The following FGF7 variants were observed in gnomAD, a reference collection of about 807,000 sequenced individuals.
The protein encoded by FGF7 is fibroblast growth factor 7.
Under a neutral mutation model 20.5 loss-of-function variants are expected in FGF7, and 6 were observed. The ratio of observed to expected loss-of-function variants is 0.29; its 90% CI spans 0.16 to 0.58. The LOEUF (loss-of-function observed/expected upper bound fraction) is 0.58, where lower values mean the gene tolerates loss of function less well. FGF7 is among the 20% of genes least tolerant of loss of function. The probability of loss-of-function intolerance (pLI) is 0.90; values close to 1 mark genes in which losing one functional copy is unlikely to be tolerated. For missense variants in FGF7, 144 were observed against 228.8 expected (o/e 0.63, Z 2.39); for synonymous variants, 64 against 74.7 (o/e 0.86, Z 0.74).
At chr15:49,429,731 C>T (rs1444245285) in intron 2 of FGF7, among the ~76,000 whole-genome samples, 1 of 151,904 alleles carries the variant, frequency 6.6e-6, no homozygotes, top group Non-Finnish European at 1.5e-5. Flanking sequence ...GAGGTACAGT[C>T]TGGGCATCAG....
intron 2 of FGF7, among the ~76,000 whole-genome samples, chr15:49,439,715 T>C (rs2051453798): frequency 6.6e-6 from 1 of 151,800 alleles, no homozygotes. Flanking sequence ...AACGTGGCTC[T>C]CTTCTCTTAC....
chr15:49,441,702 T>C (rs972120809), intron 2 of FGF7, among the ~76,000 whole-genome samples: 2 of 151,742 alleles, frequency 1.3e-5, no homozygotes, highest in African/African-American at 4.8e-5. Flanking sequence ...ATAATGATTA[T>C]AATACTATTT....
intron 2 of FGF7, among the ~76,000 whole-genome samples, chr15:49,441,782 TA>T (rs1294485047): frequency 6.6e-6 from 1 of 151,640 alleles, no homozygotes; most frequent in Non-Finnish European, 1.5e-5. Flanking sequence ...CAGTATTGTG[TA>T]AAGTTTTTAA....
In FGF7 at chr15:49,433,069, T is replaced by C. The variant is rs570152120; in HGVS notation, c.286+8486T>C. Among the ~76,000 whole-genome samples the C allele has an allele frequency of 7.2e-4, 109 of 151,426 alleles. No homozygotes were observed. In the South Asian group the frequency reaches 0.012, roughly 17 times the overall value. On this transcript the variant is annotated intron_variant, in intron 2 of 3. Coordinates refer to ENST00000267843, the MANE Select transcript of FGF7 (RefSeq NM_002009.4). ...ATTATTTCAATAAAGAAATGTTTCA[T>C]TTACTGGCTAAAAATTATTTAGAAA...
At chr15:49,460,747 G>A (rs2053717610) in intron 2 of FGF7, among the ~76,000 whole-genome samples, 1 of 152,106 alleles carries the variant, frequency 6.6e-6, no homozygotes, top group South Asian at 2.1e-4. Context: ...TATAAAAACT[G>A]TGCAGCTTCT....
intron 2 of FGF7, among the ~76,000 whole-genome samples, chr15:49,463,932 T>G (rs67031905): frequency 2.0e-5 from 3 of 151,826 alleles, no homozygotes; most frequent in African/African-American, 7.3e-5. Context: ...TTTGTTTGTT[T>G]TTTGTTTGTT....
At chr15:49,430,477 G>C (rs1333928280) in intron 2 of FGF7, among the ~76,000 whole-genome samples, 1 of 151,848 alleles carries the variant, frequency 6.6e-6, no homozygotes, top group Admixed American at 6.6e-5. Context: ...CAGGGGGAGA[G>C]AACCACAATT....
At chr15:49,429,665 T>TA (rs1272147398) in intron 2 of FGF7, among the ~76,000 whole-genome samples, 1 of 151,838 alleles carries the variant, frequency 6.6e-6, no homozygotes, top group African/African-American at 2.4e-5. Flanking sequence ...TGGGGAACTT[T>TA]AAAAAAATAC....
intron 2 of FGF7, among the ~76,000 whole-genome samples, chr15:49,468,073 A>G (rs2054421971): frequency 6.6e-6 from 1 of 152,180 alleles, no homozygotes; most frequent in African/African-American, 2.4e-5. Flanking sequence ...CTATAATTGT[A>G]CCACATGCTG....
At chr15:49,444,989 CATATTCAT>C (rs1193077578) in intron 2 of FGF7, among the ~76,000 whole-genome samples, 5 of 151,636 alleles carry the variant, frequency 3.3e-5, no homozygotes, top group Middle Eastern at 3.4e-3. Flanking sequence ...CATTCTGATT[CATATTCAT>C]ATATTCATAT....
At chr15:49,475,714 AC>A (rs1458515274) in intron 2 of FGF7, among the ~76,000 whole-genome samples, 1 of 152,178 alleles carries the variant, frequency 6.6e-6, no homozygotes, top group Non-Finnish European at 1.5e-5. Context: ...TGGGGCGGGC[AC>A]GGTGGCTTAT....
At chr15:49,435,462 C>G (rs918074781) in intron 2 of FGF7, among the ~76,000 whole-genome samples, 1 of 151,602 alleles carries the variant, frequency 6.6e-6, no homozygotes, top group African/African-American at 2.4e-5. Context: ...TTTATGCCCT[C>G]TAATTCATGA....
chr15:49,472,173 G>T (rs1180246862), intron 2 of FGF7, among the ~76,000 whole-genome samples: 1 of 152,192 alleles, frequency 6.6e-6, no homozygotes. Context: ...TTGAAGTAAA[G>T]TGAAATTGGG....
At chr15:49,459,922 T>C (rs1461427006) in intron 2 of FGF7, among the ~76,000 whole-genome samples, 3 of 152,180 alleles carry the variant, frequency 2.0e-5, no homozygotes, top group Admixed American at 2.0e-4. Flanking sequence ...TGCCACACAT[T>C]AGAGACATTT....
intron 2 of FGF7, among the ~76,000 whole-genome samples, chr15:49,477,882 G>A (rs2055500036): frequency 6.6e-6 from 1 of 152,194 alleles, no homozygotes; most frequent in Non-Finnish European, 1.5e-5. Context: ...TAGTTGTACA[G>A]AGGTATCTCA....
chr15:49,466,079 TTAAAG>T (rs1432155727), intron 2 of FGF7, among the ~76,000 whole-genome samples: 2 of 152,188 alleles, frequency 1.3e-5, no homozygotes, highest in African/African-American at 4.8e-5. Flanking sequence ...CAGTATGTTC[TTAAAG>T]TAAAATAGAT....
At chr15:49,425,737 C>A (rs1451701937) in intron 2 of FGF7, among the ~76,000 whole-genome samples, 1 of 151,648 alleles carries the variant, frequency 6.6e-6, no homozygotes, top group African/African-American at 2.4e-5. Flanking sequence ...AATGAGAAGA[C>A]CTTCTTTTTA....
intron 2 of FGF7, among the ~76,000 whole-genome samples, chr15:49,461,087 T>A (rs1246554186): frequency 1.3e-5 from 2 of 152,188 alleles, no homozygotes; most frequent in Non-Finnish European, 2.9e-5. Context: ...TTCCTTCTAG[T>A]ATGTTTCTCC....
intron 2 of FGF7, among the ~76,000 whole-genome samples, chr15:49,469,303 A>G (rs2151957789): frequency 6.6e-6 from 1 of 152,312 alleles, no homozygotes; most frequent in South Asian, 2.1e-4. Context: ...AATACTGTCT[A>G]TACAGAAAAC....
Sources: gnomAD v4.1 joint callset for allele counts (sites outside exome capture counted in the v4.1 genomes callset) on GRCh38, gnomAD v4.1.1 for gene constraint, MANE v1.5 for transcripts, NCBI Gene and HGNC (gene_info 2026-07-23, HGNC 2026-07-21) for gene names.